The following TWIST2 variants were observed in gnomAD, a reference collection of about 807,000 sequenced individuals.
The protein encoded by TWIST2 is twist-related protein 2.
TWIST2 carries 1 observed loss-of-function variant against 11.6 expected under a neutral mutation model. The ratio of observed to expected loss-of-function variants is 0.09; its 90% confidence interval spans 0.03 to 0.41. The LOEUF is 0.41. Among genes scored for constraint, TWIST2 ranks in the 10% least tolerant of loss-of-function variants. TWIST2 has a pLI of 0.98. For missense variants in TWIST2, 168 were observed against 226.4 expected (o/e 0.74, Z 1.66); for synonymous variants, 87 against 96.6 (o/e 0.90, Z 0.58).
chr2:238,898,762 G>A (rs1239574589), intron 1 of TWIST2, among the ~76,000 whole-genome samples: 3 of 152,244 alleles, frequency 2.0e-5, no homozygotes, highest in Non-Finnish European at 4.4e-5. Context: ...CGTTGGGGTG[G>A]GGGCTGGATG....
At position 238,870,135 on chromosome 2, in the gene TWIST2, C is replaced by CAAACCA. The variant is rs1355853999; in HGVS notation, c.*35+21402_*35+21403insAAACCA. ...ACACCATACACCCCCCACACACACA[C>CAAACCA]CACACCCCATACACACCACACCCCA... On this transcript the variant is annotated intron_variant, in intron 1 of 1. Coordinates refer to ENST00000612363, the MANE Select transcript of TWIST2 (RefSeq NM_001271893.4). Among the ~76,000 whole-genome samples, 17 of 77,220 alleles carry CAAACCA rather than the reference C, an allele frequency of 2.2e-4. 2 individuals are homozygous for CAAACCA. The East Asian group carries it at 0.012, about 53-fold the overall frequency. 50.7% of individuals were successfully genotyped at this position (77,220 alleles called of 152,430 possible).
chr2:238,870,125 CACACACACACCACACCCCAT>C (rs1692621794), intron 1 of TWIST2, among the ~76,000 whole-genome samples: 2 of 79,460 alleles, frequency 2.5e-5, no homozygotes, highest in Non-Finnish European at 4.9e-5. Context: ...ATACACCCCC[CACACACACACCACACCCCAT>C]ACACACCACA....
intron 1 of TWIST2, among the ~76,000 whole-genome samples, chr2:238,857,514 G>A (rs1692352604): frequency 6.6e-6 from 1 of 152,070 alleles, no homozygotes; most frequent in Non-Finnish European, 1.5e-5. Flanking sequence ...ATCAGGCCAG[G>A]CCACTGCTGC....
In TWIST2 at chr2:238,866,486, G is replaced by A. The variant is rs188752580; in HGVS notation, c.*35+17753G>A. On this transcript the variant is annotated intron_variant, in intron 1 of 1. Transcript: ENST00000612363. The surrounding 1 kb of genome is among the most constrained non-coding windows in gnomAD (Gnocchi z 4.9). ...AGCCTGGCCAACATGGTGAAACCCCGTCTCTGCCAAAAATAGAAAAATTAG... is the reference window on the plus strand; with the variant it reads ...AGCCTGGCCAACATGGTGAAACCCCATCTCTGCCAAAAATAGAAAAATTAG... Among the ~76,000 whole-genome samples, 45 of 152,216 alleles carry A rather than the reference G, an allele frequency of 3.0e-4. No homozygotes were observed. The East Asian group carries it at 5.2e-3, about 18-fold the overall frequency.
intron 1 of TWIST2, among the ~76,000 whole-genome samples, chr2:238,874,368 G>T (rs1209919147): frequency 6.6e-6 from 1 of 152,164 alleles, no homozygotes; most frequent in Non-Finnish European, 1.5e-5. Context: ...TTTCTCTTTA[G>T]TTCCATGTTA....
At chr2:238,900,896 A>G (rs1344110670) in intron 1 of TWIST2, among the ~76,000 whole-genome samples, 2 of 151,704 alleles carry the variant, frequency 1.3e-5, no homozygotes, top group East Asian at 3.9e-4. Flanking sequence ...GATTATCCTG[A>G]TAACCTGAAG....
Position 238,851,162 on chromosome 2 carries a change from G to A in TWIST2, c.*35+2429G>A, listed in dbSNP as rs557774668. ...AATGTTTGATGTGGGATGTTTTCAC[G>A]TATGTGAAGAAAACTGTCAAGACTA... On this transcript the variant is annotated intron_variant, in intron 1 of 1. Transcript: ENST00000612363. Among the ~76,000 whole-genome samples, 5 of 152,314 alleles carry A rather than the reference G, an allele frequency of 3.3e-5. No individual in the cohort carries two copies. In the South Asian group the frequency reaches 6.2e-4, roughly 19 times the overall value.
At position 238,848,644 on chromosome 2, in the gene TWIST2, C is replaced by T. The variant is rs772224459; in HGVS notation, c.429C>T (p.Tyr143=). The T allele has an allele frequency of 2.1e-5, 32 of 1,538,070 alleles. No individual in the cohort carries two copies. Among genetic ancestry groups the T allele is most frequent in the Non-Finnish European group, 2.8e-5 (32 of 1,147,708 alleles). The change falls in exon 1 of 2, where the codon TAC becomes TAT. Residue 143 remains tyrosine (Y), a synonymous_variant. Coordinates refer to ENST00000612363, the MANE Select transcript of TWIST2 (RefSeq NM_001271893.4). ...ACGTGGCCCACGAGCGCCTCAGCTA[C>T]GCCTTCTCCGTGTGGCGCATGGAGG... The part of the protein sequence containing the change: ...CSYVAHERLS[Y]AFSVWRMEGA...
At chr2:238,902,013 A>C (rs1693273558) in intron 1 of TWIST2, among the ~76,000 whole-genome samples, 1 of 152,096 alleles carries the variant, frequency 6.6e-6, no homozygotes, top group African/African-American at 2.4e-5. Flanking sequence ...CCAGGGGCTG[A>C]GGAAAGGCAG....
At chr2:238,874,884 A>G (rs1181175895) in intron 1 of TWIST2, among the ~76,000 whole-genome samples, 1 of 152,038 alleles carries the variant, frequency 6.6e-6, no homozygotes, top group Non-Finnish European at 1.5e-5. Flanking sequence ...GTGAGGTTCT[A>G]TGTTTTGGTG....
chr2:238,879,500 A>G (rs946001644), intron 1 of TWIST2, among the ~76,000 whole-genome samples: 4 of 152,064 alleles, frequency 2.6e-5, no homozygotes, highest in African/African-American at 9.7e-5. Context: ...GGCCACACTC[A>G]CCACTCCTTA....
intron 1 of TWIST2, among the ~76,000 whole-genome samples, chr2:238,851,472 C>G (rs1692239932): frequency 6.6e-6 from 1 of 152,204 alleles, no homozygotes; most frequent in Non-Finnish European, 1.5e-5. Context: ...CATTACTTAT[C>G]AGACATTTGT....
intron 1 of TWIST2, among the ~76,000 whole-genome samples, 184 bp downstream of exon 1, chr2:238,848,917 C>T (rs1384245332): frequency 6.6e-6 from 1 of 152,228 alleles, no homozygotes; most frequent in African/African-American, 2.4e-5. Flanking sequence ...CCCAGGGACA[C>T]CCCTGAGTGC....
At chr2:238,905,970 TGTGCGCGCGCGTGTACGTGC>T (rs1693347386) in intron 1 of TWIST2, among the ~76,000 whole-genome samples, 7 of 138,140 alleles carry the variant, frequency 5.1e-5, no homozygotes, top group African/African-American at 2.1e-4. Context: ...TGTGCGTGTG[TGTGCGCGCGCGTGTACGTGC>T]GCGTGTGTGC....
intron 1 of TWIST2, among the ~76,000 whole-genome samples, chr2:238,865,236 C>G (rs1196730261): frequency 2.0e-5 from 3 of 152,174 alleles, no homozygotes; most frequent in Admixed American, 6.5e-5. Flanking sequence ...GGAAGCAAAC[C>G]CAGCCAGTCC....
chr2:238,897,199 C>G (rs1693216716), intron 1 of TWIST2, among the ~76,000 whole-genome samples: 1 of 152,034 alleles, frequency 6.6e-6, no homozygotes, highest in Non-Finnish European at 1.5e-5. Context: ...CTGCGTTCCT[C>G]CTGCCGCACT....
chr2:238,906,921 C>T (rs945027766), intron 1 of TWIST2, among the ~76,000 whole-genome samples: 2 of 152,242 alleles, frequency 1.3e-5, no homozygotes, highest in African/African-American at 2.4e-5. Context: ...CAATAATTCT[C>T]GCTGAACACT....
At chr2:238,902,550 G>A (rs1693281940) in intron 1 of TWIST2, among the ~76,000 whole-genome samples, 1 of 149,768 alleles carries the variant, frequency 6.7e-6, no homozygotes, top group African/African-American at 2.5e-5. Context: ...GTGTGCATGT[G>A]TGTGCGATGT....
intron 1 of TWIST2, among the ~76,000 whole-genome samples, chr2:238,900,551 AT>A (rs1261244031): frequency 2.0e-4 from 30 of 152,198 alleles, no homozygotes; most frequent in Non-Finnish European, 1.5e-5. Flanking sequence ...GACAGAAGGC[AT>A]TTCTAGTGGA....
Sources: allele counts gnomAD v4.1 joint callset (sites outside exome capture counted in the v4.1 genomes callset), GRCh38; gene constraint gnomAD v4.1.1; non-coding constraint Gnocchi (gnomAD v3.1); transcripts MANE v1.5; gene names NCBI Gene and HGNC (gene_info 2026-07-23, HGNC 2026-07-21).